Variants in ELP4 observed in about 807,000 individuals in gnomAD.
The protein encoded by ELP4 is elongator acetyltransferase complex subunit 4, also known as elongator complex protein 4.
ELP4 carries 51 observed loss-of-function variants against 48.9 expected under a neutral mutation model. That is an observed-to-expected ratio of 1.04 (90% CI 0.83 to 1.32). ELP4 has a LOEUF of 1.32. Among genes scored for constraint, ELP4 ranks in the 40% most tolerant of loss-of-function variants. The probability of loss-of-function intolerance (pLI) is 0.00; values close to 1 mark genes in which losing one functional copy is unlikely to be tolerated. For missense variants in ELP4, 519 were observed against 514.6 expected, an observed-to-expected ratio of 1.01 and a Z score of -0.08; for synonymous variants, 210 against 189.2, an observed-to-expected ratio of 1.11 and a Z score of -0.90.
intron 3 of ELP4, among the ~76,000 whole-genome samples, chr11:31,583,105 A>C (rs2133974761): frequency 6.6e-6 from 1 of 152,202 alleles, no homozygotes; most frequent in Non-Finnish European, 1.5e-5. Flanking sequence ...CTTAGGGAAA[A>C]GTAAAGGATC....
chr11:31,724,436 T>C (rs1947032169), intron 9 of ELP4, among the ~76,000 whole-genome samples: 2 of 152,254 alleles, frequency 1.3e-5, no homozygotes, highest in Admixed American at 6.5e-5. Context: ...CTAATTATAA[T>C]GGAGGCATTG....
chr11:31,654,236 A>G (rs1410068491), intron 9 of ELP4: 1 of 87,838 alleles, frequency 1.1e-5, no homozygotes, highest in African/African-American at 2.6e-5. Context: ...ACACTGAAAT[A>G]TACAAAAGAC....
intron 3 of ELP4, among the ~76,000 whole-genome samples, chr11:31,555,219 T>TA: frequency 6.6e-6 from 1 of 152,114 alleles, no homozygotes. Flanking sequence ...GGTCGGTTGA[T>TA]ATGCAAGGGG....
intron 1 of ELP4, chr11:31,510,748 CTG>C (rs1366433845): frequency 5.4e-6 from 1 of 185,954 alleles, no homozygotes; most frequent in Non-Finnish European, 1.1e-5. Flanking sequence ...TTTAAAATCT[CTG>C]GAATTTTTTA....
At chr11:31,554,321 G>A (rs2133932837) in intron 3 of ELP4, among the ~76,000 whole-genome samples, 1 of 152,204 alleles carries the variant, frequency 6.6e-6, no homozygotes, top group African/African-American at 2.4e-5. Context: ...TGCGTTAAAG[G>A]ATTCTCTTGC....
At chr11:31,700,126 T>A (rs1946490884) in intron 9 of ELP4, among the ~76,000 whole-genome samples, 1 of 152,066 alleles carries the variant, frequency 6.6e-6, no homozygotes, top group African/African-American at 2.4e-5. Context: ...CTGGAGTATT[T>A]AGGGTTGATA....
In ELP4 at chr11:31,785,700, C is replaced by G. The variant is rs548846660; in HGVS notation, c.*2176C>G. 5.2e-6 allele frequency: 1 copy of G among 192,536 alleles called. No individual in the cohort carries two copies. Among genetic ancestry groups the G allele is most frequent in the South Asian group, 1.9e-4 (1 of 5,190 alleles). 11.9% of individuals were successfully genotyped at this position (192,536 alleles called of 1,614,324 possible). ...TATTTTTGTCTTCCTCTGATAAAAA[C>G]GCACTCTGAAAATGTGTTTTCCTTT... On this transcript the variant is annotated 3_prime_UTR_variant, in exon 10 of 10. Transcript: ENST00000640961.
At chr11:31,622,097 CAAACACTTTATCAGTTG>C (rs1243763522) in intron 5 of ELP4, among the ~76,000 whole-genome samples, 1 of 147,662 alleles carries the variant, frequency 6.8e-6, no homozygotes, top group Non-Finnish European at 1.5e-5. Flanking sequence ...TACTATGTAC[CAAACACTTTATCAGTTG>C]ATATAATTAA....
chr11:31,532,472 G>A (rs1956410224), intron 2 of ELP4, among the ~76,000 whole-genome samples: 1 of 152,050 alleles, frequency 6.6e-6, no homozygotes, highest in African/African-American at 2.4e-5. Context: ...AAAGACAACT[G>A]TGACATCTAG....
intron 3 of ELP4, among the ~76,000 whole-genome samples, chr11:31,594,046 A>G (rs1356816520): frequency 6.6e-6 from 1 of 152,210 alleles, no homozygotes; most frequent in South Asian, 2.1e-4. Flanking sequence ...CTAATAGAAA[A>G]TAAAACAAAA....
At chr11:31,527,974 C>T (rs1956325724) in intron 2 of ELP4, among the ~76,000 whole-genome samples, 1 of 152,076 alleles carries the variant, frequency 6.6e-6, no homozygotes, top group Admixed American at 6.6e-5. Flanking sequence ...TCTCCTGTCT[C>T]TAGACCTTTG....
intron 9 of ELP4, among the ~76,000 whole-genome samples, chr11:31,674,280 A>G (rs1945871596): frequency 6.6e-6 from 1 of 152,250 alleles, no homozygotes; most frequent in African/African-American, 2.4e-5. Context: ...CATTGTAAGC[A>G]TTATAGAAAA....
chr11:31,515,357 A>G (rs1351128866), intron 1 of ELP4, among the ~76,000 whole-genome samples: 1 of 152,200 alleles, frequency 6.6e-6, no homozygotes, highest in Non-Finnish European at 1.5e-5. Flanking sequence ...TAATACACAT[A>G]AGATTTTTTA....
chr11:31,679,661 C>T (rs1008631938), intron 9 of ELP4, among the ~76,000 whole-genome samples: 39 of 152,132 alleles, frequency 2.6e-4, no homozygotes, highest in Non-Finnish European at 5.3e-4. Flanking sequence ...AGATACTATG[C>T]GTAAGGGCTT....
At chr11:31,600,226 T>G (rs1957755289) in intron 4 of ELP4, 1 of 152,164 alleles carries the variant, frequency 6.6e-6, no homozygotes, top group African/African-American at 2.4e-5. Flanking sequence ...CTTCACCATG[T>G]GATTTTAATT....
chr11:31,583,162 G>A (rs1957418129), intron 3 of ELP4, among the ~76,000 whole-genome samples: 2 of 152,060 alleles, frequency 1.3e-5, no homozygotes, highest in Non-Finnish European at 2.9e-5. Context: ...CAACCCTTCT[G>A]TTTTCACACA....
chr11:31,550,648 G>C (rs1350482242), intron 3 of ELP4, among the ~76,000 whole-genome samples: 1 of 152,086 alleles, frequency 6.6e-6, no homozygotes, highest in Non-Finnish European at 1.5e-5. Context: ...CTGTAAGATG[G>C]GCACATAATG....
At chr11:31,782,936 A>G (rs1948411513) in intron 9 of ELP4, among the ~76,000 whole-genome samples, 1 of 152,220 alleles carries the variant, frequency 6.6e-6, no homozygotes, top group African/African-American at 2.4e-5. Flanking sequence ...AAGACAAACA[A>G]GTATTCATGG....
intron 9 of ELP4, chr11:31,687,647 ACT>A (rs1946189270): frequency 6.6e-6 from 1 of 151,808 alleles, no homozygotes; most frequent in South Asian, 2.1e-4. Flanking sequence ...GCAAGTATCG[ACT>A]CTCTGTTCCA....
Sources: gnomAD v4.1 joint callset for allele counts (sites outside exome capture counted in the v4.1 genomes callset) on GRCh38, gnomAD v4.1.1 for gene constraint, MANE v1.5 for transcripts, NCBI Gene and HGNC (gene_info 2026-07-23, HGNC 2026-07-21) for gene names.